COL15A1: variants seen among roughly 807,000 people sequenced by gnomAD.
COL15A1 encodes the protein collagen type XV alpha 1 chain, also known as collagen alpha-1(XV) chain.
In COL15A1, 111 loss-of-function variants were observed where a neutral mutation model predicts 165.9. That is an observed-to-expected ratio of 0.67 (90% confidence interval 0.57 to 0.78). The LOEUF is 0.78. Among genes scored for constraint, COL15A1 ranks in the 30% least tolerant of loss-of-function variants. The pLI is 0.00. For synonymous variants in COL15A1, 659 were observed against 674.8 expected, an observed-to-expected ratio of 0.98 and a Z score of 0.36; for missense variants, 1,745 against 1,789.7, an observed-to-expected ratio of 0.98 and a Z score of 0.45.
chr9:99,066,042 T>G (rs1451244973), intron 39 of COL15A1, among the ~76,000 whole-genome samples: 1 of 151,990 alleles, frequency 6.6e-6, no homozygotes, highest in South Asian at 2.1e-4. Flanking sequence ...TATTTTCCTT[T>G]TTGGTAACTT....
chr9:99,033,280 C>G (rs183935212), intron 16 of COL15A1, among the ~76,000 whole-genome samples: 63 of 152,272 alleles, frequency 4.1e-4, no homozygotes, highest in Admixed American at 5.9e-4. Flanking sequence ...GCCCTTGGAC[C>G]TCACAGAGTT....
chr9:99,062,752 AAGAGGT>A (rs887406511), intron 38 of COL15A1, among the ~76,000 whole-genome samples: 7 of 152,178 alleles, frequency 4.6e-5, no homozygotes, highest in African/African-American at 1.7e-4. Context: ...TGAGGCTCTG[AAGAGGT>A]AGCTTTCTCT....
At chr9:98,961,388 C>G (rs1643549553) in intron 2 of COL15A1, among the ~76,000 whole-genome samples, 1 of 152,210 alleles carries the variant, frequency 6.6e-6, no homozygotes, top group Non-Finnish European at 1.5e-5. Context: ...ACACTCTCAT[C>G]TGTACCAGGG....
At chr9:98,996,532 G>T (rs1265484774) in intron 5 of COL15A1, among the ~76,000 whole-genome samples, 1 of 152,170 alleles carries the variant, frequency 6.6e-6, no homozygotes, top group Non-Finnish European at 1.5e-5. Flanking sequence ...TTCATATCTG[G>T]CATTGAATTT....
intron 2 of COL15A1, among the ~76,000 whole-genome samples, chr9:98,969,727 G>A (rs1312352467): frequency 2.0e-5 from 3 of 152,252 alleles, no homozygotes; most frequent in African/African-American, 7.2e-5. Context: ...GCTTCCTGGA[G>A]TGGGTCAGGC....
chr9:99,056,264 A>C lies in COL15A1; in HGVS notation c.3197A>C (p.Gln1066Pro), dbSNP rs767225793. The change falls in exon 35 of 42, where the codon CAA (glutamine) becomes CCA (proline). Residue 1066 changes from glutamine to proline, a missense_variant. Gln to Pro is a moderately conservative substitution (Grantham distance 76). Coordinates refer to ENST00000375001, the MANE Select transcript of COL15A1 (RefSeq NM_001855.5). ...ATTGTGTGCTTGCCTTGACAGGGCC[A>C]AAAAGGGGAGACAGTCGTTGGGCCC... ...GLPGNPGPAGQKGETVVGPQG... is the reference protein window; with the variant it reads ...GLPGNPGPAGPKGETVVGPQG... 1 of 1,613,906 alleles carries C rather than the reference A, an allele frequency of 6.2e-7. No homozygotes were observed. The highest frequency in any genetic ancestry group is 1.7e-5 in the Admixed American group (1 of 60,036).
At chr9:99,022,898 G>A (rs1457149691) in intron 13 of COL15A1, among the ~76,000 whole-genome samples, 2 of 152,238 alleles carry the variant, frequency 1.3e-5, no homozygotes, top group Non-Finnish European at 2.9e-5. Flanking sequence ...TGGGCACCCA[G>A]TGTGTCTCAG....
chr9:99,040,020 G>GTGACCCTGACCCC (rs1839373009), intron 22 of COL15A1, among the ~76,000 whole-genome samples: 1 of 152,198 alleles, frequency 6.6e-6, no homozygotes, highest in Non-Finnish European at 1.5e-5. Context: ...CCCCTGCTGA[G>GTGACCCTGACCCC]TGACCTCATT....
chr9:99,003,605 C>T lies in COL15A1; in HGVS notation c.1200+18C>T. On this transcript the variant is annotated intron_variant, in intron 8 of 41. Transcript: ENST00000375001. Reference sequence around the variant, plus strand: ...TCACTCCAGTAAGTAGCTCAGAGCGCAAGCTCCCCTTCACCTGTGTCTGGG... The same window carrying T: ...TCACTCCAGTAAGTAGCTCAGAGCGTAAGCTCCCCTTCACCTGTGTCTGGG... 1 of 1,462,804 alleles carries T rather than the reference C, an allele frequency of 6.8e-7. No individual in the cohort carries two copies. Among genetic ancestry groups the T allele is most frequent in the Non-Finnish European group, 9.1e-7 (1 of 1,102,820 alleles). The allele number at this position is 1,462,804 out of a possible 1,614,324, so 90.6% of individuals were successfully genotyped here. A position where few individuals can be genotyped will look rare whatever the true frequency, so the allele number is the denominator to read the frequency against.
At chr9:99,063,197 A>G in intron 39 of COL15A1, 88 bp downstream of exon 39, 1 of 1,372,452 alleles carries the variant, frequency 7.3e-7, no homozygotes, top group East Asian at 2.8e-5. Flanking sequence ...AGTTCCTACC[A>G]TCATGATACT....
intron 17 of COL15A1, 103 bp downstream of exon 17, chr9:99,034,687 A>G: frequency 6.9e-7 from 1 of 1,452,910 alleles, no homozygotes; most frequent in Non-Finnish European, 9.1e-7. Context: ...TATTGAACAT[A>G]TAAATGTCAT....
At chr9:99,003,658 T>A in intron 8 of COL15A1, 71 bp downstream of exon 8, 1 of 1,410,806 alleles carries the variant, frequency 7.1e-7, no homozygotes, top group South Asian at 1.7e-5. Context: ...GTGGGAGCAG[T>A]CACTGGCTTT....
intron 2 of COL15A1, among the ~76,000 whole-genome samples, chr9:98,959,214 G>A (rs1837826197): frequency 8.7e-6 from 1 of 115,536 alleles, no homozygotes; most frequent in Admixed American, 1.1e-4. Context: ...AACATAGTGA[G>A]ACCCTGTCTC....
Position 99,027,868 on chromosome 9 carries a change from A to C in COL15A1, c.2043+1902A>C, listed in dbSNP as rs186339624. On this transcript the variant is annotated intron_variant, in intron 16 of 41. Transcript: ENST00000375001. ...ATGATATTTACCTTAAAAACAAAAC[A>C]AAACCAAAAAAGTCCCTAATAAACC... Among the ~76,000 whole-genome samples, 181 of 152,380 alleles carry C rather than the reference A, an allele frequency of 1.2e-3. 3 individuals are homozygous for C. Among genetic ancestry groups the C allele is most frequent in the African/African-American group, 4.1e-3 (170 of 41,590 alleles).
intron 23 of COL15A1, chr9:99,041,475 G>T (rs2119070573): frequency 6.6e-6 from 1 of 150,896 alleles, no homozygotes; most frequent in African/African-American, 2.4e-5. Context: ...TGTGGATTTG[G>T]CTCTGCAGAG....
chr9:98,996,005 T>G (rs57803670), intron 5 of COL15A1, among the ~76,000 whole-genome samples: 7,656 of 152,248 alleles, frequency 0.05, 439 homozygotes, highest in African/African-American at 0.12. Flanking sequence ...AATGAACTAT[T>G]AAATTCTAAA....
chr9:99,038,399 A>G (rs932580658), intron 21 of COL15A1, among the ~76,000 whole-genome samples: 2 of 152,252 alleles, frequency 1.3e-5, no homozygotes, highest in African/African-American at 4.8e-5. Flanking sequence ...GTGGGTGCAT[A>G]TAATATGTAT....
chr9:98,964,478 T>C (rs1837922802), intron 2 of COL15A1, among the ~76,000 whole-genome samples: 1 of 152,220 alleles, frequency 6.6e-6, no homozygotes, highest in Non-Finnish European at 1.5e-5. Flanking sequence ...AGAGTGTGTC[T>C]CTTTGCACAA....
At chr9:98,953,085 AG>A (rs1837717038) in intron 2 of COL15A1, among the ~76,000 whole-genome samples, 1 of 152,314 alleles carries the variant, frequency 6.6e-6, no homozygotes, top group African/African-American at 2.4e-5. Context: ...TGGGTAGGTG[AG>A]GGTTGTAAAA....
Sources: gnomAD v4.1 joint callset for allele counts (sites outside exome capture counted in the v4.1 genomes callset) on GRCh38, gnomAD v4.1.1 for gene constraint, MANE v1.5 for transcripts, NCBI Gene and HGNC (gene_info 2026-07-23, HGNC 2026-07-21) for gene names.